GPBP1: variants seen among roughly 807,000 people sequenced by gnomAD.
The protein encoded by GPBP1 is vasculin.
In GPBP1, 13 loss-of-function variants were observed where a neutral mutation model predicts 56.5. The ratio of observed to expected loss-of-function variants is 0.23; its 90% CI spans 0.15 to 0.37. The LOEUF (loss-of-function observed/expected upper bound fraction) is 0.37, where lower values mean the gene tolerates loss of function less well. Among genes scored for constraint, GPBP1 ranks in the 10% least tolerant of loss-of-function variants. The pLI is 1.00. For missense variants in GPBP1, 477 were observed against 572.3 expected (o/e 0.83, Z 1.70); for synonymous variants, 204 against 188.9 (o/e 1.08, Z -0.66).
intron 2 of GPBP1, among the ~76,000 whole-genome samples, chr5:57,184,677 C>A (rs756379523): frequency 6.6e-6 from 1 of 152,156 alleles, no homozygotes; most frequent in Admixed American, 6.5e-5. Context: ...CAAACTGCAT[C>A]AATGACAAGA....
At chr5:57,236,766 A>T (rs1222037593) in intron 6 of GPBP1, among the ~76,000 whole-genome samples, 1 of 152,168 alleles carries the variant, frequency 6.6e-6, no homozygotes, top group Non-Finnish European at 1.5e-5. Flanking sequence ...AAATAAAATT[A>T]ATCATTTGAT....
intron 2 of GPBP1, among the ~76,000 whole-genome samples, chr5:57,211,935 T>TA (rs145212816): frequency 5.3e-5 from 8 of 151,316 alleles, no homozygotes; most frequent in African/African-American, 1.2e-4. Context: ...CAATTTTAAT[T>TA]AAAAAAAAAT....
chr5:57,174,202 G>C lies in GPBP1; in HGVS notation c.-1020G>C, dbSNP rs1753690504. 6.5e-6 allele frequency: 1 copy of C among 152,876 alleles called. No homozygotes were observed. The allele number at this position is 152,876 out of a possible 1,614,324, so 9.5% of individuals were successfully genotyped here. A position where few individuals can be genotyped will look rare whatever the true frequency, so the allele number is the denominator to read the frequency against. ...CCCCCAGGCCAGGGGCACCTCTGGT[G>C]GGGCAGAAGGTAACACCGTCCTCTA... is the stretch of plus-strand genomic sequence containing the variant. On this transcript the variant is annotated 5_prime_UTR_variant, in exon 1 of 12. Transcript: ENST00000506184.
At chr5:57,198,413 A>G (rs964845973) in intron 2 of GPBP1, among the ~76,000 whole-genome samples, 1 of 152,216 alleles carries the variant, frequency 6.6e-6, no homozygotes, top group Admixed American at 6.5e-5. Flanking sequence ...TCAGGATGCC[A>G]TCATGAACTT....
intron 9 of GPBP1, among the ~76,000 whole-genome samples, chr5:57,249,784 C>T (rs1236654102): frequency 1.2e-5 from 1 of 81,006 alleles, no homozygotes. Flanking sequence ...TCCCCTTCCC[C>T]TCCTTCCCCC....
chr5:57,255,110 A>G (rs1741595250), intron 10 of GPBP1, among the ~76,000 whole-genome samples: 1 of 152,194 alleles, frequency 6.6e-6, no homozygotes, highest in Non-Finnish European at 1.5e-5. Context: ...CTGCCATTTG[A>G]AGCCACTATT....
Position 57,198,677 on chromosome 5 carries a change from T to C in GPBP1, c.-57-15397T>C, listed in dbSNP as rs532659704. On this transcript the variant is annotated intron_variant, in intron 2 of 11. Transcript: ENST00000506184. ...GAGCCTGGCCAACATGGTACAACCTTGTCTCTATTAAAAATACAAACATTA... is the reference window on the plus strand; with the variant it reads ...GAGCCTGGCCAACATGGTACAACCTCGTCTCTATTAAAAATACAAACATTA... Among the ~76,000 whole-genome samples, 8 of 152,158 alleles carry C rather than the reference T, an allele frequency of 5.3e-5. No individual in the cohort carries two copies. The South Asian group carries it at 1.5e-3, about 28-fold the overall frequency.
rs771157278 is a variant in GPBP1, at chr5:57,249,393, C to T, written c.805-16C>T. 1.3e-6 allele frequency: 2 copies of T among 1,566,238 alleles called. No homozygotes were observed. Among genetic ancestry groups the T allele is most frequent in the South Asian group, 2.4e-5 (2 of 84,164 alleles). On this transcript the variant is annotated splice_polypyrimidine_tract_variant and intron_variant, in intron 8 of 11. Coordinates refer to ENST00000506184, the MANE Select transcript of GPBP1 (RefSeq NM_022913.4). ...CTTGGCTACATATTTATCAGTATTT[C>T]TGAATTTCCTCTTAGTGTAATCGCT...
At position 57,262,610 on chromosome 5, in the gene GPBP1, T is replaced by C; in HGVS notation, c.1280T>C (p.Leu427Pro). Residue 427 changes from leucine to proline, a missense_variant, in exon 12 of 12, where the codon CTG becomes CCG. Transcript: ENST00000506184. ...VISEQLQKNG[L>P]RKNGILKNGL... The stretch of plus-strand genomic sequence containing the variant: ...ACATTTTAGTTACAGAAGAATGGTC[T>C]GAGAAAAAATGGTATTTTGAAAAAT... The C allele has an allele frequency of 6.2e-7, 1 of 1,612,748 alleles. No individual in the cohort carries two copies.
At chr5:57,212,608 T>A (rs1755534424) in intron 2 of GPBP1, among the ~76,000 whole-genome samples, 1 of 152,154 alleles carries the variant, frequency 6.6e-6, no homozygotes, top group Admixed American at 6.5e-5. Context: ...TTGCCAGTTT[T>A]AACTAGTTGT....
chr5:57,241,616 A>G (rs1385466150), intron 6 of GPBP1, among the ~76,000 whole-genome samples: 1 of 152,206 alleles, frequency 6.6e-6, no homozygotes, highest in African/African-American at 2.4e-5. Flanking sequence ...TTGCGAGGAT[A>G]GAGGGAAATA....
At chr5:57,248,276 A>G (rs1684696051) in intron 8 of GPBP1, among the ~76,000 whole-genome samples, 1 of 151,942 alleles carries the variant, frequency 6.6e-6, no homozygotes, top group South Asian at 2.1e-4. Context: ...TAGTTCAGGT[A>G]TTTTCTTTCT....
In GPBP1 at chr5:57,251,133, A is replaced by G; in HGVS notation, c.1152A>G (p.Ala384=). The G allele has an allele frequency of 3.1e-6, 5 of 1,605,484 alleles. No homozygotes were observed. The highest frequency in any genetic ancestry group is 4.2e-6 in the Non-Finnish European group (5 of 1,177,250). ...QTDVLSSSLE[A]EHRLLKEMGW... ...ATGTTCTTTCAAGTTCACTTGAGGC[A>G]GAACACAGGCTAGTATTTGTTTGTA... The change falls in exon 10 of 12, where the codon GCA becomes GCG. Residue 384 remains alanine (A), a synonymous_variant. Coordinates refer to ENST00000506184, the MANE Select transcript of GPBP1 (RefSeq NM_022913.4).
At chr5:57,174,589 G>A (rs985517455) in intron 1 of GPBP1, among the ~76,000 whole-genome samples, 55 of 152,266 alleles carry the variant, frequency 3.6e-4, no homozygotes, top group African/African-American at 1.3e-3. Context: ...CCCTTCTCAG[G>A]GCTGAGGGAG....
At chr5:57,254,829 T>A (rs1006376705) in intron 10 of GPBP1, among the ~76,000 whole-genome samples, 7 of 152,226 alleles carry the variant, frequency 4.6e-5, no homozygotes, top group African/African-American at 1.7e-4. Flanking sequence ...ATCTATAAAT[T>A]CACTTGTTTA....
At chr5:57,230,682 A>T (rs1413237229) in intron 3 of GPBP1, 164 bp from the exon 4 acceptor site, 6 of 653,528 alleles carry the variant, frequency 9.2e-6, no homozygotes, top group African/African-American at 7.3e-5. Flanking sequence ...ACCATCGGTG[A>T]ATCCATTATA....
intron 2 of GPBP1, among the ~76,000 whole-genome samples, chr5:57,180,452 T>C (rs1340721112): frequency 6.6e-6 from 1 of 152,160 alleles, no homozygotes; most frequent in Non-Finnish European, 1.5e-5. Flanking sequence ...CAAACCATCT[T>C]TTCTGTTTCT....
At chr5:57,238,997 T>C (rs1472233528) in intron 6 of GPBP1, among the ~76,000 whole-genome samples, 1 of 152,218 alleles carries the variant, frequency 6.6e-6, no homozygotes, top group Non-Finnish European at 1.5e-5. Context: ...AGGTAAATTA[T>C]GATGAAAGCC....
At chr5:57,212,716 C>T (rs1398250821) in intron 2 of GPBP1, among the ~76,000 whole-genome samples, 1 of 147,892 alleles carries the variant, frequency 6.8e-6, no homozygotes, top group Non-Finnish European at 1.5e-5. Context: ...GTTGCACAGG[C>T]TGGAGTGCAG....
Sources: gnomAD v4.1 joint callset for allele counts (sites outside exome capture counted in the v4.1 genomes callset) on GRCh38, gnomAD v4.1.1 for gene constraint, MANE v1.5 for transcripts, NCBI Gene and HGNC (gene_info 2026-07-23, HGNC 2026-07-21) for gene names.